Variants in CERT1 observed in about 807,000 individuals in gnomAD.
CERT1 encodes the protein ceramide transfer protein.
Under a neutral mutation model 87.9 loss-of-function variants are expected in CERT1, and 31 were observed. The ratio of observed to expected loss-of-function variants is 0.35; its 90% CI spans 0.27 to 0.48. The LOEUF is 0.48. Ranked by LOEUF, CERT1 falls within the 20% of genes least tolerant of loss-of-function variation. The pLI is 0.99. For synonymous variants in CERT1, 289 were observed against 250.9 expected (o/e 1.15, Z -1.44); for missense variants, 487 against 758.0 (o/e 0.64, Z 4.20).
chr5:75,393,889 C>A (rs565225609), intron 11 of CERT1, among the ~76,000 whole-genome samples: 1 of 151,822 alleles, frequency 6.6e-6, no homozygotes, highest in African/African-American at 2.4e-5. Context: ...CACTTGAACC[C>A]GGGAGGCGGA....
intron 2 of CERT1, among the ~76,000 whole-genome samples, chr5:75,478,454 C>A (rs554821493): frequency 2.0e-5 from 3 of 151,956 alleles, no homozygotes; most frequent in African/African-American, 2.4e-5. Flanking sequence ...TGTGCAGTGA[C>A]GGAGGACAAG....
At position 75,420,025 on chromosome 5, in the gene CERT1, G is replaced by C. The variant is rs559867867; in HGVS notation, c.596-601C>G. ...GGAGTCTCACTCTGTCACCCAGGCT[G>C]GAGTGCAATGGCATGGTCTCGGCTC... On this transcript the variant is annotated intron_variant, in intron 5 of 16. Transcript: ENST00000643780. Among the ~76,000 whole-genome samples, 7 of 151,016 alleles carry C rather than the reference G, an allele frequency of 4.6e-5. No individual in the cohort carries two copies. The South Asian group carries it at 1.3e-3, about 27-fold the overall frequency.
chr5:75,444,869 T>C (rs1239049177), intron 3 of CERT1, among the ~76,000 whole-genome samples: 1 of 152,164 alleles, frequency 6.6e-6, no homozygotes, highest in Non-Finnish European at 1.5e-5. Context: ...TAGTGAAATA[T>C]TTGAATTTTT....
At chr5:75,375,889 TACC>T (rs1206626571), downstream of CERT1, 3 of 151,824 alleles carry the variant, frequency 2.0e-5, no homozygotes, top group Non-Finnish European at 4.4e-5. Flanking sequence ...ACAAAGATTT[TACC>T]ATGTTAAGGT....
At chr5:75,501,382 GAAT>G (rs1767361115) in intron 2 of CERT1, among the ~76,000 whole-genome samples, 1 of 151,926 alleles carries the variant, frequency 6.6e-6, no homozygotes, top group Non-Finnish European at 1.5e-5. Context: ...CCTATGATAA[GAAT>G]AATAGGAATT....
chr5:75,510,628 G>T (rs955735952), intron 1 of CERT1, among the ~76,000 whole-genome samples: 1 of 152,150 alleles, frequency 6.6e-6, no homozygotes, highest in African/African-American at 2.4e-5. Flanking sequence ...TAACCTAGCA[G>T]AATTCAACAC....
intron 2 of CERT1, among the ~76,000 whole-genome samples, chr5:75,501,907 T>A (rs1018757793): frequency 6.6e-6 from 1 of 152,172 alleles, no homozygotes; most frequent in African/African-American, 2.4e-5. Flanking sequence ...AGAGAGATAG[T>A]CTTTGAGAGA....
rs1369658898 is a variant in CERT1, at chr5:75,381,197, T to C, written c.1622A>G (p.Asn541Ser). ...TATTTTGGCACGGACACATCGGTTG[T>C]TTAGCTGCCAAAACAAAAAACAAAG... Reference protein sequence around the residue: ...FSVDHDSAPLNNRCVRAKINV... With the variant: ...FSVDHDSAPLSNRCVRAKINV... Residue 541 changes from asparagine to serine, a missense_variant, in exon 16 of 17, where the codon AAC becomes AGC. Asn to Ser is a conservative substitution (Grantham distance 46). Transcript: ENST00000643780. 1 of 1,614,114 alleles carries C rather than the reference T, an allele frequency of 6.2e-7. No individual in the cohort carries two copies. The highest frequency in any genetic ancestry group is 1.1e-5 in the South Asian group (1 of 91,074).
At chr5:75,385,127 T>A (rs940379340) in intron 13 of CERT1, among the ~76,000 whole-genome samples, 1 of 152,200 alleles carries the variant, frequency 6.6e-6, no homozygotes, top group African/African-American at 2.4e-5. Context: ...TCTGATGATG[T>A]TGAGAAGTAT....
chr5:75,415,850 T>C lies in CERT1; in HGVS notation c.837+1026A>G, dbSNP rs959690788. On this transcript the variant is annotated intron_variant, in intron 7 of 16. Coordinates refer to ENST00000643780, the MANE Select transcript of CERT1 (RefSeq NM_001379029.1). ...GAGTTGAAATCTTTGAAGATAATAA[T>C]AGTTTGGCTCCAGAATGATAATAAA... Among the ~76,000 whole-genome samples the C allele has an allele frequency of 4.6e-5, 7 of 152,068 alleles. No individual in the cohort carries two copies. The East Asian group carries it at 1.2e-3, about 25-fold the overall frequency.
intron 17 of CERT1, chr5:75,369,184 G>A (rs553746912): frequency 6.6e-6 from 1 of 152,286 alleles, no homozygotes; most frequent in East Asian, 1.9e-4. Context: ...CCAAAGTGCT[G>A]GGATTACAGG....
chr5:75,508,505 A>C (rs1324629244), intron 1 of CERT1, among the ~76,000 whole-genome samples: 1 of 152,150 alleles, frequency 6.6e-6, no homozygotes, highest in Non-Finnish European at 1.5e-5. Context: ...TTTACTCAGT[A>C]AGTATTAGCT....
chr5:75,491,594 A>G (rs927258648), intron 2 of CERT1, among the ~76,000 whole-genome samples: 6 of 152,144 alleles, frequency 3.9e-5, no homozygotes, highest in Non-Finnish European at 7.3e-5. Flanking sequence ...CTCAAGGAAC[A>G]TATCTTGGTC....
intron 7 of CERT1, among the ~76,000 whole-genome samples, chr5:75,411,604 A>G (rs1343910799): frequency 6.6e-6 from 1 of 152,116 alleles, no homozygotes; most frequent in Non-Finnish European, 1.5e-5. Flanking sequence ...GAGCCACTGC[A>G]CCCGGCCACA....
Position 75,503,458 on chromosome 5 carries a change from A to C in CERT1, c.231+2524T>G, listed in dbSNP as rs79129022. Among the ~76,000 whole-genome samples, 47 of 152,158 alleles carry C rather than the reference A, an allele frequency of 3.1e-4. No individual in the cohort carries two copies. In the East Asian group the frequency reaches 9.1e-3, roughly 29 times the overall value. On this transcript the variant is annotated intron_variant, in intron 2 of 16. Coordinates refer to ENST00000643780, the MANE Select transcript of CERT1 (RefSeq NM_001379029.1). ...ACATTTATTTATTTAACTAAAGTAC[A>C]TACTCTAATTTGTAAACTCATCCTG...
intron 8 of CERT1, among the ~76,000 whole-genome samples, chr5:75,405,527 ACCT>A (rs941755194): frequency 7.9e-5 from 12 of 151,848 alleles, no homozygotes; most frequent in African/African-American, 2.9e-4. Flanking sequence ...CGTGTCTGAA[ACCT>A]CCTCTTCTAT....
chr5:75,485,784 A>G (rs1434939321), intron 2 of CERT1, among the ~76,000 whole-genome samples: 1 of 152,144 alleles, frequency 6.6e-6, no homozygotes, highest in Non-Finnish European at 1.5e-5. Context: ...TCCTAGACAG[A>G]TACAACCTAC....
At chr5:75,376,455 T>A (rs1761320245), downstream of CERT1, 2 of 152,120 alleles carry the variant, frequency 1.3e-5, no homozygotes, top group Admixed American at 1.3e-4. Flanking sequence ...AGCACCACTT[T>A]AAAAACCCTA....
chr5:75,498,264 T>G (rs776807164), intron 2 of CERT1, among the ~76,000 whole-genome samples: 35 of 152,200 alleles, frequency 2.3e-4, no homozygotes, highest in Admixed American at 4.6e-4. Context: ...AGAACGTATT[T>G]TCTGGGGAGA....
Sources: allele counts gnomAD v4.1 joint callset (sites outside exome capture counted in the v4.1 genomes callset), GRCh38; gene constraint gnomAD v4.1.1; transcripts MANE v1.5; gene names NCBI Gene and HGNC (gene_info 2026-07-23, HGNC 2026-07-21).